Variants in TNFAIP8 observed in about 807,000 individuals in gnomAD.
TNFAIP8 encodes the protein TNF alpha induced protein 8.
TNFAIP8 carries 7 observed loss-of-function variants against 13.3 expected under a neutral mutation model. That is an observed-to-expected ratio of 0.52 (90% CI 0.30 to 0.99). The LOEUF is 0.99. Among genes scored for constraint, TNFAIP8 ranks in the 50% least tolerant of loss-of-function variants. TNFAIP8 has a pLI of 0.07. For synonymous variants in TNFAIP8, 94 were observed against 87.6 expected, an observed-to-expected ratio of 1.07 and a Z score of -0.41; for missense variants, 258 against 236.9, an observed-to-expected ratio of 1.09 and a Z score of -0.58.
At chr5:119,284,016 G>C (rs1014713186) in intron 1 of TNFAIP8, among the ~76,000 whole-genome samples, 2 of 152,176 alleles carry the variant, frequency 1.3e-5, no homozygotes, top group African/African-American at 4.8e-5. Context: ...GGCAGTAAAG[G>C]CTGAGTAGTT....
At chr5:119,374,746 C>T (rs1474271269) in intron 1 of TNFAIP8, among the ~76,000 whole-genome samples, 2 of 152,056 alleles carry the variant, frequency 1.3e-5, no homozygotes, top group African/African-American at 2.4e-5. Flanking sequence ...CTGGAATGGC[C>T]GGGGGGCTAA....
chr5:119,324,274 C>CAAAAAAAAAAAAAAAAAAAAAAAAAA, intron 1 of TNFAIP8, among the ~76,000 whole-genome samples: 1 of 77,670 alleles, frequency 1.3e-5, no homozygotes, highest in South Asian at 4.5e-4. Flanking sequence ...GACGCCATCT[C>CAAAAAAAAAAAAAAAAAAAAAAAAAA]AAAAAAAAAA....
At chr5:119,356,346 C>A (rs1209098442) in intron 1 of TNFAIP8, among the ~76,000 whole-genome samples, 1 of 152,148 alleles carries the variant, frequency 6.6e-6, no homozygotes, top group East Asian at 1.9e-4. Context: ...AAAAGTCGGA[C>A]CTAGTTCAGC....
intron 1 of TNFAIP8, among the ~76,000 whole-genome samples, chr5:119,376,568 C>G (rs563126073): frequency 6.6e-6 from 1 of 150,728 alleles, no homozygotes; most frequent in Non-Finnish European, 1.5e-5. Context: ...TCCCACCCCC[C>G]CCGTCTTTCT....
intron 1 of TNFAIP8, among the ~76,000 whole-genome samples, chr5:119,313,630 A>G (rs773182797): frequency 2.6e-5 from 4 of 152,248 alleles, no homozygotes; most frequent in African/African-American, 4.8e-5. Context: ...ATGTTTATTA[A>G]TAGAATTGTC....
intron 1 of TNFAIP8, among the ~76,000 whole-genome samples, chr5:119,337,368 C>G (rs530621586): frequency 6.6e-6 from 1 of 152,296 alleles, no homozygotes; most frequent in South Asian, 2.1e-4. Context: ...TTAGGGTTAG[C>G]ATTGATTTGC....
At chr5:119,361,878 C>T (rs1178016391) in intron 1 of TNFAIP8, among the ~76,000 whole-genome samples, 1 of 152,230 alleles carries the variant, frequency 6.6e-6, no homozygotes, top group Non-Finnish European at 1.5e-5. Flanking sequence ...AGCCCCTCTC[C>T]CTTGCCTGCT....
chr5:119,296,279 T>C (rs1034460580), intron 1 of TNFAIP8, among the ~76,000 whole-genome samples: 3 of 152,018 alleles, frequency 2.0e-5, no homozygotes, highest in African/African-American at 7.3e-5. Context: ...TAGATAGCTC[T>C]TATTATTTGA....
intron 1 of TNFAIP8, among the ~76,000 whole-genome samples, chr5:119,330,789 C>A (rs1023778501): frequency 6.6e-6 from 1 of 152,020 alleles, no homozygotes; most frequent in Non-Finnish European, 1.5e-5. Context: ...GAAGAAGTAC[C>A]AGATAAGGTG....
upstream of TNFAIP8, chr5:119,354,572 GTGCAATGGTAATAA>G (rs1481283627): frequency 6.6e-6 from 1 of 152,094 alleles, no homozygotes; most frequent in African/African-American, 2.4e-5. Context: ...ACTTTTAATG[GTGCAATGGTAATAA>G]TCTATGTAGT....
chr5:119,282,002 G>A (rs1359467382), intron 1 of TNFAIP8, among the ~76,000 whole-genome samples: 2 of 152,138 alleles, frequency 1.3e-5, no homozygotes, highest in Admixed American at 6.5e-5. Context: ...ATTGTTGTCC[G>A]AAAGAGTCTA....
intron 1 of TNFAIP8, among the ~76,000 whole-genome samples, chr5:119,302,357 A>G (rs765163300): frequency 6.6e-6 from 1 of 152,230 alleles, no homozygotes; most frequent in Non-Finnish European, 1.5e-5. Flanking sequence ...AATGATTTCT[A>G]GAGAACACTA....
chr5:119,314,974 C>T (rs1288957823), intron 1 of TNFAIP8, among the ~76,000 whole-genome samples: 11 of 152,106 alleles, frequency 7.2e-5, no homozygotes, highest in East Asian at 5.8e-4. Context: ...CTCCACCTCC[C>T]GGGTTCAAGC....
intron 1 of TNFAIP8, among the ~76,000 whole-genome samples, chr5:119,301,950 A>G (rs531962830): frequency 6.6e-6 from 1 of 152,362 alleles, no homozygotes; most frequent in African/African-American, 2.4e-5. Flanking sequence ...AGAGGTGTGA[A>G]ACAGATGTTC....
chr5:119,385,384 G>T (rs1435738718), intron 1 of TNFAIP8, among the ~76,000 whole-genome samples: 1 of 152,126 alleles, frequency 6.6e-6, no homozygotes, highest in African/African-American at 2.4e-5. Flanking sequence ...CAGCCCCTGT[G>T]GCTTTTAACT....
rs940022892 is a variant in TNFAIP8, at chr5:119,399,129, C to T, written c.*5748C>T. ...CATTTTTAGCTTGCTAAAATATTCA[C>T]TGGAGAACATGGTGAAATCCACGAG... On this transcript the variant is annotated 3_prime_UTR_variant, in exon 2 of 2. Coordinates refer to ENST00000504771, the MANE Select transcript of TNFAIP8 (RefSeq NM_014350.4). 6.6e-6 allele frequency: 1 copy of T among 152,192 alleles called. No homozygotes were observed. Among genetic ancestry groups the T allele is most frequent in the African/African-American group, 2.4e-5 (1 of 41,448 alleles). The allele number at this position is 152,192 out of a possible 1,614,324, so 9.4% of individuals were successfully genotyped here. A position where few individuals can be genotyped will look rare whatever the true frequency, so the allele number is the denominator to read the frequency against.
chr5:119,370,361 G>A (rs1409304208), intron 1 of TNFAIP8, among the ~76,000 whole-genome samples: 2 of 152,226 alleles, frequency 1.3e-5, no homozygotes, highest in Non-Finnish European at 2.9e-5. Flanking sequence ...TTTAAGTTGA[G>A]TAAAGGAGGC....
intron 1 of TNFAIP8, among the ~76,000 whole-genome samples, chr5:119,364,841 G>GA (rs1751774388): frequency 1.1e-5 from 1 of 88,710 alleles, no homozygotes; most frequent in Non-Finnish European, 2.2e-5. Flanking sequence ...TTTCTTTTCA[G>GA]TTTTTTTTTT....
chr5:119,397,930 G>C lies in TNFAIP8; in HGVS notation c.*4549G>C, dbSNP rs999760170. The C allele has an allele frequency of 6.6e-6, 1 of 152,164 alleles. No homozygotes were observed. The highest frequency in any genetic ancestry group is 1.5e-5 in the Non-Finnish European group (1 of 68,040). The allele number at this position is 152,164 out of a possible 1,614,324, so 9.4% of individuals were successfully genotyped here. A position where few individuals can be genotyped will look rare whatever the true frequency, so the allele number is the denominator to read the frequency against. ...GTCTCACCAAAGATGTGTTTTCCAC[G>C]TAGCAAAGAACATCAGCCCCACGTT... On this transcript the variant is annotated 3_prime_UTR_variant, in exon 2 of 2. Coordinates refer to ENST00000504771, the MANE Select transcript of TNFAIP8 (RefSeq NM_014350.4).
Sources: allele counts gnomAD v4.1 joint callset (sites outside exome capture counted in the v4.1 genomes callset), GRCh38; gene constraint gnomAD v4.1.1; transcripts MANE v1.5; gene names NCBI Gene and HGNC (gene_info 2026-07-23, HGNC 2026-07-21).